KLHDC8A: variants seen among roughly 807,000 people sequenced by gnomAD.
KLHDC8A encodes kelch domain containing 8A, also known as kelch domain-containing protein 8A.
In KLHDC8A, 21 loss-of-function variants were observed where a neutral mutation model predicts 33.1. The observed-to-expected ratio is 0.64, with a 90% CI of 0.45 to 0.91. The LOEUF (loss-of-function observed/expected upper bound fraction) is 0.91. KLHDC8A is among the 40% of genes least tolerant of loss of function. The pLI, the probability that KLHDC8A is intolerant of heterozygous loss-of-function variation, is 0.00. For synonymous variants in KLHDC8A, 173 were observed against 193.5 expected, an observed-to-expected ratio of 0.89 and a Z score of 0.88; for missense variants, 435 against 483.3, an observed-to-expected ratio of 0.90 and a Z score of 0.94.
At chr1:205,344,664 T>C (rs1248827109) in intron 1 of KLHDC8A, among the ~76,000 whole-genome samples, 2 of 152,202 alleles carry the variant, frequency 1.3e-5, no homozygotes, top group African/African-American at 4.8e-5. Flanking sequence ...TATTATCATA[T>C]AGTTTAACCT....
At chr1:205,337,827 C>G (rs992436255) in intron 5 of KLHDC8A, among the ~76,000 whole-genome samples, 1 of 152,148 alleles carries the variant, frequency 6.6e-6, no homozygotes, top group Admixed American at 6.6e-5. Flanking sequence ...CTACCCATTG[C>G]TTTTTACCAG....
intron 2 of KLHDC8A, among the ~76,000 whole-genome samples, chr1:205,340,267 G>A (rs1662756159): frequency 6.6e-6 from 1 of 151,984 alleles, no homozygotes; most frequent in African/African-American, 2.4e-5. Context: ...CTCTTGCCTC[G>A]ACCTTCCAAA....
In KLHDC8A at chr1:205,343,761, G is replaced by T; in HGVS notation, c.-157C>A. 1 of 807,626 alleles carries T rather than the reference G, an allele frequency of 1.2e-6. No homozygotes were observed. The allele number at this position is 807,626 out of a possible 1,614,324, so 50.0% of individuals were successfully genotyped here. A position where few individuals can be genotyped will look rare whatever the true frequency, so the allele number is the denominator to read the frequency against. The stretch of plus-strand genomic sequence containing the variant: ...CGGCCAGTGCTTCACCGTGCCCCGA[G>T]TCTCAGCGGTCCGGCGGCGTCCACG... On this transcript the variant is annotated 5_prime_UTR_variant, in exon 2 of 6. Transcript: ENST00000367155.
rs1368344765 is a variant in KLHDC8A, at chr1:205,337,666, C to G, written c.860-74G>C. The G allele has an allele frequency of 1.5e-5, 17 of 1,138,768 alleles. No homozygotes were observed. In the African/African-American group the frequency reaches 1.7e-4, roughly 11 times the overall value. 70.5% of individuals were successfully genotyped at this position (1,138,768 alleles called of 1,614,324 possible). On this transcript the variant is annotated intron_variant, in intron 5 of 5. Coordinates refer to ENST00000367155, the MANE Select transcript of KLHDC8A (RefSeq NM_018203.3). ...TCCATGCCCCACGGTCACCCCACCT[C>G]CCTCCCTTCGGCACCCACAAGCAGA...
intron 1 of KLHDC8A, among the ~76,000 whole-genome samples, chr1:205,349,663 A>G (rs1280547202): frequency 6.6e-6 from 1 of 152,214 alleles, no homozygotes; most frequent in African/African-American, 2.4e-5. Flanking sequence ...TGGGGCTTAC[A>G]ATAAAGCCTG....
intron 2 of KLHDC8A, among the ~76,000 whole-genome samples, chr1:205,341,807 T>C (rs2051141): frequency 0.94 from 142,274 of 152,062 alleles, 66,916 homozygotes; most frequent in East Asian, 1. Flanking sequence ...CCCGCCACTG[T>C]GCCAGGCTAA....
chr1:205,339,405 T>TC lies in KLHDC8A; in HGVS notation c.545dup (p.Arg183ThrfsTer14), dbSNP rs1317046422. 5.6e-6 allele frequency: 9 copies of TC among 1,612,940 alleles called. No individual in the cohort carries two copies. The highest frequency in any genetic ancestry group is 7.6e-6 in the Non-Finnish European group (9 of 1,179,432). ...CGTTGACCGCGTACTTGGACTGTCG[T>TC]CCCCCTGGGGGCCAGAGCAGGATAG... On this transcript the variant is annotated frameshift_variant, in exon 4 of 6. Transcript: ENST00000367155. LOFTEE classifies it high-confidence loss of function. This position sits in a 1 kb window ranked among gnomAD's most constrained non-coding sequence, Gnocchi z 5.1.
rs1000569234 is a variant in KLHDC8A at position 205,338,592 on chromosome 1, T to A, written c.762A>T (p.Gly254=). The change falls in exon 5 of 6, where the codon GGA becomes GGT. Residue 254 remains glycine (G), a synonymous_variant. Transcript: ENST00000367155. ...TMDVFDMEQG[G]WLKMERSFFL... ...AGAACGATCGTTCCATCTTCAGCCA[T>A]CCCCCTATAGGCCATGGATAATGGT... is the stretch of plus-strand genomic sequence containing the variant. 6.2e-6 allele frequency: 10 copies of A among 1,612,684 alleles called. No homozygotes were observed. The highest frequency in any genetic ancestry group is 8.5e-6 in the Non-Finnish European group (10 of 1,178,910).
chr1:205,346,588 C>T (rs1662953376), intron 1 of KLHDC8A, among the ~76,000 whole-genome samples: 1 of 102,982 alleles, frequency 9.7e-6, no homozygotes, highest in South Asian at 4.1e-4. Context: ...CTTAAAACAG[C>T]CCTGGGAGGG....
At chr1:205,354,880 A>G (rs1462337064) in intron 1 of KLHDC8A, among the ~76,000 whole-genome samples, 2 of 152,258 alleles carry the variant, frequency 1.3e-5, no homozygotes, top group Non-Finnish European at 2.9e-5. Context: ...TCTCTTTGTT[A>G]AATGATTGAT....
chr1:205,338,442 T>G, intron 5 of KLHDC8A, 53 bp downstream of exon 5: 1 of 1,374,352 alleles, frequency 7.3e-7, no homozygotes, highest in Non-Finnish European at 1.0e-6. Context: ...GTGCCAAGGA[T>G]CCACTGAGCA....
intron 1 of KLHDC8A, among the ~76,000 whole-genome samples, chr1:205,344,780 C>T (rs1388837940): frequency 1.3e-5 from 2 of 152,050 alleles, no homozygotes; most frequent in Non-Finnish European, 2.9e-5. Context: ...TACACATCAC[C>T]CTGCCGCCGC....
At chr1:205,355,979 C>T (rs1362535815) in intron 1 of KLHDC8A, among the ~76,000 whole-genome samples, 2 of 152,136 alleles carry the variant, frequency 1.3e-5, no homozygotes, top group African/African-American at 4.8e-5. Context: ...GCAGGTTTGT[C>T]ACAAGGGTGT....
Position 205,356,532 on chromosome 1 carries a change from C to T in KLHDC8A, c.-190+1G>A, listed in dbSNP as rs1404286642. On this transcript the variant is annotated splice_donor_variant, in intron 1 of 5. Transcript: ENST00000367155. LOFTEE classifies it low-confidence loss of function (5UTR_SPLICE). ...CATAGATGGATTGAAATAAAACTTA[C>T]CTGACTGGAGGGAAAAGGATCGACA... The T allele has an allele frequency of 4.4e-6, 2 of 456,174 alleles. No homozygotes were observed. The highest frequency in any genetic ancestry group is 8.8e-6 in the Non-Finnish European group (2 of 226,968). The allele number at this position is 456,174 out of a possible 1,614,324, so 28.3% of individuals were successfully genotyped here.
chr1:205,337,986 G>A (rs1391723547), intron 5 of KLHDC8A, among the ~76,000 whole-genome samples: 3 of 152,166 alleles, frequency 2.0e-5, no homozygotes, highest in Non-Finnish European at 4.4e-5. Context: ...CTGCTGCCTG[G>A]ATCTCTCTTC....
rs1662637820 is a variant in KLHDC8A, at chr1:205,336,543, T to TAATA, written c.*855_*856insTATT. 1 of 152,704 alleles carries TAATA rather than the reference T, an allele frequency of 6.5e-6. No individual in the cohort carries two copies. Among genetic ancestry groups the TAATA allele is most frequent in the Admixed American group, 6.5e-5 (1 of 15,284 alleles). 9.5% of individuals were successfully genotyped at this position (152,704 alleles called of 1,614,324 possible). On this transcript the variant is annotated 3_prime_UTR_variant, in exon 6 of 6. Coordinates refer to ENST00000367155, the MANE Select transcript of KLHDC8A (RefSeq NM_018203.3). ...ATAGGAATATAGATTTTAATCATTG[T>TAATA]GCTGCTGCTATTAACCAGAGTGCAA...
intron 1 of KLHDC8A, among the ~76,000 whole-genome samples, chr1:205,355,391 C>T (rs1663238115): frequency 6.6e-6 from 1 of 152,198 alleles, no homozygotes; most frequent in South Asian, 2.1e-4. Context: ...GCCTCCTCCA[C>T]GCCTTGCATG....
At chr1:205,352,511 A>T (rs1663142762) in intron 1 of KLHDC8A, among the ~76,000 whole-genome samples, 1 of 152,166 alleles carries the variant, frequency 6.6e-6, no homozygotes, top group African/African-American at 2.4e-5. Flanking sequence ...CTCCCTAGGG[A>T]GACGGCAATC....
intron 1 of KLHDC8A, among the ~76,000 whole-genome samples, 173 bp downstream of exon 1, chr1:205,356,360 A>G (rs1191534251): frequency 1.3e-5 from 2 of 151,996 alleles, no homozygotes; most frequent in Non-Finnish European, 2.9e-5. Context: ...AAAGCTAGAG[A>G]GGCCCAGCTG....
Sources: allele counts gnomAD v4.1 joint callset (sites outside exome capture counted in the v4.1 genomes callset), GRCh38; gene constraint gnomAD v4.1.1; non-coding constraint Gnocchi (gnomAD v3.1); transcripts MANE v1.5; gene names NCBI Gene and HGNC (gene_info 2026-07-23, HGNC 2026-07-21).